Variants in TRHDE observed in about 807,000 individuals in gnomAD.
TRHDE encodes the protein thyrotropin-releasing hormone-degrading ectoenzyme.
In TRHDE, 72 loss-of-function variants were observed where a neutral mutation model predicts 125.7. The ratio of observed to expected loss-of-function variants is 0.57; its 90% CI spans 0.47 to 0.70. The LOEUF (loss-of-function observed/expected upper bound fraction) is 0.70, where lower values mean the gene tolerates loss of function less well. Among genes scored for constraint, TRHDE ranks in the 30% least tolerant of loss-of-function variants. The pLI, the probability that TRHDE is intolerant of heterozygous loss-of-function variation, is 0.00. For missense variants in TRHDE, 1,110 were observed against 1,327.1 expected (o/e 0.84, Z 2.54); for synonymous variants, 509 against 509.1 (o/e 1.00, Z 0.00).
At chr12:72,451,642 A>G (rs1875577979) in intron 3 of TRHDE, among the ~76,000 whole-genome samples, 1 of 151,976 alleles carries the variant, frequency 6.6e-6, no homozygotes, top group South Asian at 2.1e-4. Flanking sequence ...GTGGTTTTGT[A>G]TAAATTTTAG....
chr12:72,148,086 A>G (rs1876269605), intron 2 of TRHDE, among the ~76,000 whole-genome samples: 1 of 152,238 alleles, frequency 6.6e-6, no homozygotes, highest in Non-Finnish European at 1.5e-5. Flanking sequence ...TGAGCAGAAC[A>G]AATATTTGTA....
At chr12:72,656,167 T>G (rs1874702291) in intron 17 of TRHDE, among the ~76,000 whole-genome samples, 1 of 152,104 alleles carries the variant, frequency 6.6e-6, no homozygotes, top group Non-Finnish European at 1.5e-5. Flanking sequence ...TGAGTATTCT[T>G]TTCAACTCAC....
intron 10 of TRHDE, among the ~76,000 whole-genome samples, chr12:72,569,804 T>A (rs1253877363): frequency 2.0e-5 from 3 of 152,186 alleles, no homozygotes; most frequent in Admixed American, 2.0e-4. Flanking sequence ...TTTGTTGGTG[T>A]TTTTTTCCTT....
intron 3 of TRHDE, among the ~76,000 whole-genome samples, chr12:72,431,285 A>G (rs1463682614): frequency 6.6e-6 from 1 of 152,176 alleles, no homozygotes; most frequent in Non-Finnish European, 1.5e-5. Flanking sequence ...TGGATGTACT[A>G]TACTTTTTAC....
chr12:72,448,318 A>G (rs1009408667), intron 3 of TRHDE, among the ~76,000 whole-genome samples: 1 of 152,042 alleles, frequency 6.6e-6, no homozygotes, highest in African/African-American at 2.4e-5. Flanking sequence ...GGCTTTTTCT[A>G]AATTGTGTAA....
intron 7 of TRHDE, among the ~76,000 whole-genome samples, chr12:72,559,005 A>G (rs1870051233): frequency 6.6e-6 from 1 of 152,184 alleles, no homozygotes; most frequent in African/African-American, 2.4e-5. Context: ...GATTTCTTAA[A>G]TGATGATAAT....
At chr12:72,238,999 C>T (rs972573602) in intron 2 of TRHDE, among the ~76,000 whole-genome samples, 2 of 152,172 alleles carry the variant, frequency 1.3e-5, no homozygotes, top group African/African-American at 4.8e-5. Flanking sequence ...CTAATTTACA[C>T]TCCCCCCAAC....
At chr12:72,176,074 C>T (rs776487843) in intron 2 of TRHDE, among the ~76,000 whole-genome samples, 21 of 152,080 alleles carry the variant, frequency 1.4e-4, no homozygotes, top group Non-Finnish European at 2.2e-4. Flanking sequence ...ATTTCTGGTC[C>T]GGCCAGGTAT....
intron 2 of TRHDE, among the ~76,000 whole-genome samples, chr12:72,361,835 A>C (rs1871101814): frequency 7.7e-6 from 1 of 130,128 alleles, no homozygotes; most frequent in Non-Finnish European, 1.6e-5. Context: ...TTCTTGCAAT[A>C]GTTTACTGAG....
chr12:72,248,190 C>T (rs142271757), intron 2 of TRHDE, among the ~76,000 whole-genome samples: 2 of 152,162 alleles, frequency 1.3e-5, no homozygotes, highest in South Asian at 2.1e-4. Context: ...GAGGCCAAGA[C>T]GGGCAGATCA....
At chr12:72,629,467 A>G (rs1335718309) in intron 15 of TRHDE, among the ~76,000 whole-genome samples, 2 of 151,698 alleles carry the variant, frequency 1.3e-5, no homozygotes, top group Non-Finnish European at 3.0e-5. Flanking sequence ...GTCTTCTATC[A>G]AAAGATATAT....
chr12:72,164,306 A>T (rs1225980050), intron 2 of TRHDE, among the ~76,000 whole-genome samples: 1 of 152,222 alleles, frequency 6.6e-6, no homozygotes, highest in Non-Finnish European at 1.5e-5. Flanking sequence ...CGACAACCAC[A>T]TCAGAAAGCC....
chr12:72,657,724 A>T (rs974436194), intron 18 of TRHDE, among the ~76,000 whole-genome samples: 4 of 152,170 alleles, frequency 2.6e-5, no homozygotes, highest in Non-Finnish European at 4.4e-5. Flanking sequence ...TTTGCCATTA[A>T]GTCACCTCAC....
chr12:72,135,419 A>G (rs115478576), intron 2 of TRHDE, among the ~76,000 whole-genome samples: 5,385 of 152,284 alleles, frequency 0.035, 167 homozygotes, highest in African/African-American at 0.086. Flanking sequence ...TGAGATGAAG[A>G]AGCCTGCCTT....
chr12:72,366,158 CTTAAT>C (rs1427442639), intron 2 of TRHDE, among the ~76,000 whole-genome samples: 1 of 152,058 alleles, frequency 6.6e-6, no homozygotes, highest in Non-Finnish European at 1.5e-5. Context: ...CTAGTAATCT[CTTAAT>C]TTAATCACAC....
At chr12:72,638,660 GT>G (rs1292622475) in intron 15 of TRHDE, among the ~76,000 whole-genome samples, 1 of 152,056 alleles carries the variant, frequency 6.6e-6, no homozygotes, top group Non-Finnish European at 1.5e-5. Flanking sequence ...TCCATTCCAT[GT>G]TTAGTGCTTC....
chr12:72,433,070 T>A (rs1874568621), intron 3 of TRHDE, among the ~76,000 whole-genome samples: 1 of 152,148 alleles, frequency 6.6e-6, no homozygotes, highest in African/African-American at 2.4e-5. Context: ...ACCATGTGAG[T>A]TTTGCCCTTT....
At chr12:72,282,727 A>C (rs1879741458) in intron 1 of TRHDE, among the ~76,000 whole-genome samples, 1 of 152,194 alleles carries the variant, frequency 6.6e-6, no homozygotes, top group Admixed American at 6.5e-5. Context: ...TCATTTCTCC[A>C]TCCAACTATG....
chr12:72,186,675 A>G (rs1428426685), intron 2 of TRHDE: 4 of 152,180 alleles, frequency 2.6e-5, no homozygotes, highest in Non-Finnish European at 4.4e-5. Flanking sequence ...TGAAAGTAGT[A>G]AAGTATTTCT....
Sources: allele counts gnomAD v4.1 joint callset (sites outside exome capture counted in the v4.1 genomes callset), GRCh38; gene constraint gnomAD v4.1.1; transcripts MANE v1.5; gene names NCBI Gene and HGNC (gene_info 2026-07-23, HGNC 2026-07-21).